TRDN: variants seen among roughly 807,000 people sequenced by gnomAD.
The protein encoded by TRDN is triadin in skeletal muscle.
TRDN carries 161 observed loss-of-function variants against 149.7 expected under a neutral mutation model. That is an observed-to-expected ratio of 1.08 (90% CI 0.95 to 1.23). TRDN has a LOEUF of 1.23. Among genes scored for constraint, TRDN ranks in the 50% most tolerant of loss-of-function variants. The pLI is 0.00. For synonymous variants in TRDN, 294 were observed against 250.5 expected (o/e 1.17, Z -1.64); for missense variants, 896 against 823.5 (o/e 1.09, Z -1.08).
At chr6:123,321,501 G>T (rs1779243904) in intron 23 of TRDN, among the ~76,000 whole-genome samples, 1 of 151,808 alleles carries the variant, frequency 6.6e-6, no homozygotes, top group Non-Finnish European at 1.5e-5. Flanking sequence ...AAAACCTGTT[G>T]CTACTACTTG....
At chr6:123,284,004 G>A (rs6917968) in intron 24 of TRDN, among the ~76,000 whole-genome samples, 28,204 of 54,908 alleles carry the variant, frequency 0.51, 7,406 homozygotes, top group Admixed American at 0.56. Context: ...ATATATATAT[G>A]TAACAAACCT....
intron 24 of TRDN, among the ~76,000 whole-genome samples, chr6:123,314,608 G>A (rs1411173230): frequency 6.6e-6 from 1 of 151,966 alleles, no homozygotes; most frequent in Admixed American, 6.6e-5. Flanking sequence ...GCTCATCAAT[G>A]ATAGACTGGA....
chr6:123,468,129 AC>A (rs1303360466), intron 9 of TRDN, among the ~76,000 whole-genome samples: 1 of 152,216 alleles, frequency 6.6e-6, no homozygotes, highest in African/African-American at 2.4e-5. Flanking sequence ...TTTGAAGCTG[AC>A]TTTTGAAGAA....
intron 5 of TRDN, among the ~76,000 whole-genome samples, chr6:123,526,015 C>A (rs1280659152): frequency 1.3e-5 from 2 of 151,990 alleles, no homozygotes; most frequent in South Asian, 2.1e-4. Flanking sequence ...TTGGATTATT[C>A]AGGTGGGCCC....
chr6:123,615,759 G>GT (rs1316097392), intron 1 of TRDN, among the ~76,000 whole-genome samples: 3 of 152,140 alleles, frequency 2.0e-5, no homozygotes, highest in Admixed American at 1.3e-4. Context: ...GTGTGGGGAT[G>GT]TGAGGATAGC....
chr6:123,319,120 TA>T (rs1464127834), intron 23 of TRDN, among the ~76,000 whole-genome samples: 1 of 152,116 alleles, frequency 6.6e-6, no homozygotes, highest in Non-Finnish European at 1.5e-5. Flanking sequence ...GAAAATAATG[TA>T]AAATTGATGT....
chr6:123,606,102 A>T (rs1459082661), intron 1 of TRDN, among the ~76,000 whole-genome samples: 1 of 152,178 alleles, frequency 6.6e-6, no homozygotes, highest in African/African-American at 2.4e-5. Context: ...TAGTGCAAGC[A>T]AGATAAAAAT....
chr6:123,303,280 T>C (rs1315834854), intron 24 of TRDN, among the ~76,000 whole-genome samples: 1 of 150,902 alleles, frequency 6.6e-6, no homozygotes, highest in Non-Finnish European at 1.5e-5. Flanking sequence ...AAAACAGATT[T>C]TAAAAAAATT....
At chr6:123,222,798 A>G (rs940492847) in intron 39 of TRDN, among the ~76,000 whole-genome samples, 42 of 152,040 alleles carry the variant, frequency 2.8e-4, no homozygotes, top group African/African-American at 9.9e-4. Flanking sequence ...CAAATTTACA[A>G]GAAAAAAGCA....
intron 20 of TRDN, 123 bp downstream of exon 20, chr6:123,366,012 A>G (rs1781086073): frequency 2.5e-6 from 2 of 789,084 alleles, no homozygotes; most frequent in South Asian, 3.9e-5. Flanking sequence ...GTTTGTTTCT[A>G]TATCAACGAA....
intron 1 of TRDN, among the ~76,000 whole-genome samples, chr6:123,578,137 T>A (rs936837724): frequency 6.6e-6 from 1 of 152,236 alleles, no homozygotes; most frequent in Non-Finnish European, 1.5e-5. Flanking sequence ...TAAAGTTTAA[T>A]TAGATCTTGT....
At chr6:123,456,786 T>C (rs1044573313) in intron 10 of TRDN, 6 of 455,822 alleles carry the variant, frequency 1.3e-5, no homozygotes, top group African/African-American at 1.0e-4. Flanking sequence ...TTTCCAAGAC[T>C]GTTTACTCCA....
chr6:123,634,339 G>A (rs1250035291), intron 1 of TRDN, among the ~76,000 whole-genome samples: 1 of 151,924 alleles, frequency 6.6e-6, no homozygotes, highest in Admixed American at 6.6e-5. Flanking sequence ...TACTTCTGAT[G>A]CTGAGGTAGA....
chr6:123,551,815 G>A (rs543144086), intron 2 of TRDN, among the ~76,000 whole-genome samples: 1 of 152,144 alleles, frequency 6.6e-6, no homozygotes, highest in East Asian at 1.9e-4. Context: ...TAACTATTGT[G>A]CTATATGCTG....
intron 9 of TRDN, among the ~76,000 whole-genome samples, chr6:123,469,340 G>T (rs1583093563): frequency 1.3e-5 from 2 of 152,034 alleles, no homozygotes; most frequent in Non-Finnish European, 2.9e-5. Flanking sequence ...TGTACTTTTG[G>T]ACCACTTAGG....
At chr6:123,332,536 T>A (rs2114728338) in intron 22 of TRDN, among the ~76,000 whole-genome samples, 1 of 152,204 alleles carries the variant, frequency 6.6e-6, no homozygotes, top group South Asian at 2.1e-4. Flanking sequence ...CAAACACATC[T>A]TCAGTGTAAT....
At chr6:123,505,118 C>T (rs1302453574) in intron 7 of TRDN, among the ~76,000 whole-genome samples, 1 of 151,804 alleles carries the variant, frequency 6.6e-6, no homozygotes, top group Non-Finnish European at 1.5e-5. Flanking sequence ...GTGGTGCATG[C>T]CTGTAATCCC....
chr6:123,519,714 T>C (rs924119996), intron 5 of TRDN, among the ~76,000 whole-genome samples: 1 of 150,022 alleles, frequency 6.7e-6, no homozygotes, highest in Non-Finnish European at 1.5e-5. Flanking sequence ...AGGACTAATC[T>C]TGAGTACCCA....
Position 123,375,646 on chromosome 6 carries a change from A to T in TRDN, c.1247-15T>A. 1 of 1,522,558 alleles carries T rather than the reference A, an allele frequency of 6.6e-7. No individual in the cohort carries two copies. Among genetic ancestry groups the T allele is most frequent in the Non-Finnish European group, 8.8e-7 (1 of 1,131,088 alleles). 94.3% of individuals were successfully genotyped at this position (1,522,558 alleles called of 1,614,324 possible). ...GTCACTTGGAACTGTTAATGACAAGAAATAATAAGGTCAACAGTAATTACA... is the reference window on the plus strand; with the variant it reads ...GTCACTTGGAACTGTTAATGACAAGTAATAATAAGGTCAACAGTAATTACA... On this transcript the variant is annotated splice_polypyrimidine_tract_variant and intron_variant, in intron 18 of 40. Coordinates refer to ENST00000334268, the MANE Select transcript of TRDN (RefSeq NM_006073.4).
Sources: allele counts gnomAD v4.1 joint callset (sites outside exome capture counted in the v4.1 genomes callset), GRCh38; gene constraint gnomAD v4.1.1; transcripts MANE v1.5; gene names NCBI Gene and HGNC (gene_info 2026-07-23, HGNC 2026-07-21).